The following AK5 variants were observed in gnomAD, a reference collection of about 807,000 sequenced individuals.
AK5 encodes adenylate kinase isoenzyme 5.
A neutral mutation model predicts 69.5 loss-of-function variants in AK5; 27 were observed. That is an observed-to-expected ratio of 0.39 (90% CI 0.29 to 0.54). The LOEUF (loss-of-function observed/expected upper bound fraction) is 0.54, where lower values mean the gene tolerates loss of function less well. Ranked by LOEUF, AK5 falls within the 20% of genes least tolerant of loss-of-function variation. The pLI, the probability that AK5 is intolerant of heterozygous loss-of-function variation, is 0.71. For missense variants in AK5, 531 were observed against 700.4 expected (o/e 0.76, Z 2.73); for synonymous variants, 260 against 244.4 (o/e 1.06, Z -0.60).
intron 8 of AK5, among the ~76,000 whole-genome samples, chr1:77,458,734 T>G (rs1375916375): frequency 1.3e-5 from 2 of 152,076 alleles, no homozygotes; most frequent in East Asian, 3.9e-4. Flanking sequence ...TCCCACCAGG[T>G]CCCACCATAT....
At chr1:77,346,539 C>G (rs1183360174) in intron 6 of AK5, among the ~76,000 whole-genome samples, 1 of 152,150 alleles carries the variant, frequency 6.6e-6, no homozygotes, top group Non-Finnish European at 1.5e-5. Context: ...CTGTGTTGCC[C>G]AGGCTGAAGT....
intron 8 of AK5, among the ~76,000 whole-genome samples, chr1:77,426,302 C>T (rs559660616): frequency 4.6e-5 from 7 of 152,212 alleles, no homozygotes; most frequent in Admixed American, 2.6e-4. Context: ...ACCACGCTAA[C>T]GCTAATCAAA....
chr1:77,472,132 AG>A (rs1654544715), intron 8 of AK5, among the ~76,000 whole-genome samples: 1 of 152,250 alleles, frequency 6.6e-6, no homozygotes, highest in African/African-American at 2.4e-5. Flanking sequence ...GCCACCTGCA[AG>A]TAACCTAGCT....
At chr1:77,534,554 T>G (rs1658851708) in intron 12 of AK5, among the ~76,000 whole-genome samples, 1 of 152,212 alleles carries the variant, frequency 6.6e-6, no homozygotes, top group African/African-American at 2.4e-5. Flanking sequence ...TTATTTAATT[T>G]TATTTCATCC....
chr1:77,511,426 A>G (rs1164208564), intron 10 of AK5, among the ~76,000 whole-genome samples: 4 of 152,244 alleles, frequency 2.6e-5, no homozygotes, highest in African/African-American at 9.6e-5. Context: ...GATGGAGGGC[A>G]AAGGATAGAA....
intron 10 of AK5, among the ~76,000 whole-genome samples, chr1:77,500,221 A>G (rs554692034): frequency 5.3e-5 from 8 of 152,296 alleles, no homozygotes; most frequent in African/African-American, 1.7e-4. Flanking sequence ...GAGTCTTTAT[A>G]AAGTCTTTAT....
At chr1:77,478,183 G>A (rs1655061783) in intron 8 of AK5, among the ~76,000 whole-genome samples, 1 of 152,202 alleles carries the variant, frequency 6.6e-6, no homozygotes, top group South Asian at 2.1e-4. Flanking sequence ...TGCAGTGAGG[G>A]TCCAGTGAGA....
intron 13 of AK5, among the ~76,000 whole-genome samples, chr1:77,550,156 T>A (rs1659750495): frequency 6.6e-6 from 1 of 152,154 alleles, no homozygotes; most frequent in African/African-American, 2.4e-5. Context: ...TTTCCCAAGC[T>A]GGTCTCGAGC....
intron 13 of AK5, among the ~76,000 whole-genome samples, chr1:77,554,937 ACAAATATTTAT>A (rs1300551126): frequency 6.6e-6 from 1 of 151,890 alleles, no homozygotes; most frequent in East Asian, 1.9e-4. Context: ...TTTTGATGGA[ACAAATATTTAT>A]CAAATATTTG....
chr1:77,311,119 A>G (rs1018790896), intron 5 of AK5, among the ~76,000 whole-genome samples: 4 of 152,036 alleles, frequency 2.6e-5, no homozygotes, highest in East Asian at 3.9e-4. Context: ...TGACTCATTC[A>G]TGTTGTAAAC....
Position 77,468,037 on chromosome 1 carries a change from G to A in AK5, c.1060-15280G>A, listed in dbSNP as rs1222242241. Among the ~76,000 whole-genome samples, 12 of 152,342 alleles carry A rather than the reference G, an allele frequency of 7.9e-5. No homozygotes were observed. The East Asian group carries it at 2.3e-3, about 29-fold the overall frequency. Reference sequence around the variant, plus strand: ...TACAGAAGAGGGGCTTAAGTGCTGGGGTAGGGTTAAAGGGGGTCTTAGAGG... The same window carrying A: ...TACAGAAGAGGGGCTTAAGTGCTGGAGTAGGGTTAAAGGGGGTCTTAGAGG... On this transcript the variant is annotated intron_variant, in intron 8 of 13. Transcript: ENST00000354567.
intron 5 of AK5, among the ~76,000 whole-genome samples, chr1:77,329,301 C>T (rs1325372997): frequency 6.6e-6 from 1 of 151,124 alleles, no homozygotes; most frequent in Non-Finnish European, 1.5e-5. Context: ...CCTACAACTT[C>T]ACTGAGGTCC....
intron 12 of AK5, among the ~76,000 whole-genome samples, chr1:77,526,870 G>GTC (rs149078316): frequency 8.1e-5 from 12 of 149,058 alleles, no homozygotes; most frequent in African/African-American, 2.2e-4. Context: ...AATAAATAAG[G>GTC]TCTCTCTCTC....
rs868596225 is a variant in AK5 at position 77,326,825 on chromosome 1, A to G, written c.700-13552A>G. 3.9e-5 allele frequency among the ~76,000 whole-genome samples: 6 copies of G among 151,950 alleles called. No homozygotes were observed. The South Asian group carries it at 6.2e-4, about 16-fold the overall frequency. On this transcript the variant is annotated intron_variant, in intron 5 of 13. Transcript: ENST00000354567. ...TTCTTTTTTAAATGAATACAATGAA[A>G]CTAAAGATACATATTTTTAGTTAGC...
At chr1:77,348,510 A>T (rs1570420012) in intron 6 of AK5, among the ~76,000 whole-genome samples, 1 of 109,746 alleles carries the variant, frequency 9.1e-6, no homozygotes, top group Non-Finnish European at 2.1e-5. Flanking sequence ...AAAGTATAAT[A>T]AAAAAAAAAT....
At chr1:77,330,677 C>T (rs1570391223) in intron 5 of AK5, among the ~76,000 whole-genome samples, 2 of 152,172 alleles carry the variant, frequency 1.3e-5, no homozygotes, top group East Asian at 3.8e-4. Context: ...TTGAAGATCA[C>T]CTTGGTTATT....
intron 5 of AK5, among the ~76,000 whole-genome samples, chr1:77,298,365 T>A (rs1020607936): frequency 5.9e-5 from 9 of 152,070 alleles, no homozygotes; most frequent in African/African-American, 2.2e-4. Flanking sequence ...CCTACGTAGA[T>A]TAAGATAGGG....
Position 77,535,909 on chromosome 1 carries a change from T to C in AK5, c.1491T>C (p.Leu497=), listed in dbSNP as rs759839742. The C allele has an allele frequency of 1.2e-6, 2 of 1,613,616 alleles. No individual in the cohort carries two copies. The highest frequency in any genetic ancestry group is 2.7e-5 in the African/African-American group (2 of 74,748). The change falls in exon 13 of 14, where the codon CTT becomes CTC. Residue 497 remains leucine, a synonymous_variant. Coordinates refer to ENST00000354567, the MANE Select transcript of AK5 (RefSeq NM_174858.3). ...CGGCAGACACCATGACCAACCGCCTTCTCCAAAGGAGCCGGAGCAGCCTGC... is the reference window on the plus strand; with the variant it reads ...CGGCAGACACCATGACCAACCGCCTCCTCCAAAGGAGCCGGAGCAGCCTGC... ...DCSADTMTNR[L]LQRSRSSLPV... is the part of the protein sequence containing the mutation.
intron 6 of AK5, among the ~76,000 whole-genome samples, chr1:77,388,797 C>T (rs1186428513): frequency 3.3e-5 from 5 of 151,484 alleles, no homozygotes; most frequent in Non-Finnish European, 7.4e-5. Flanking sequence ...TCCACTTGGC[C>T]AAAAGGAGAA....
Sources: gnomAD v4.1 joint callset for allele counts (sites outside exome capture counted in the v4.1 genomes callset) on GRCh38, gnomAD v4.1.1 for gene constraint, MANE v1.5 for transcripts, NCBI Gene and HGNC (gene_info 2026-07-23, HGNC 2026-07-21) for gene names.